NRG3: variants seen among roughly 807,000 people sequenced by gnomAD.
The protein encoded by NRG3 is pro-neuregulin-3, membrane-bound isoform.
In NRG3, 31 loss-of-function variants were observed where a neutral mutation model predicts 66.9. That is an observed-to-expected ratio of 0.46 (90% CI 0.35 to 0.63). The LOEUF is 0.63. Among genes scored for constraint, NRG3 ranks in the 20% least tolerant of loss-of-function variants. The pLI, the probability that NRG3 is intolerant of heterozygous loss-of-function variation, is 0.00. For synonymous variants in NRG3, 393 were observed against 359.4 expected, an observed-to-expected ratio of 1.09 and a Z score of -1.06; for missense variants, 910 against 878.9, an observed-to-expected ratio of 1.04 and a Z score of -0.45.
intron 5 of NRG3, 80 bp from the exon 6 acceptor site, chr10:82,958,869 A>G: frequency 7.1e-7 from 1 of 1,408,434 alleles, no homozygotes. Context: ...AAATATAGAC[A>G]CTGGGAATGA....
intron 4 of NRG3, among the ~76,000 whole-genome samples, chr10:82,927,032 C>T (rs1278266249): frequency 6.6e-6 from 1 of 152,192 alleles, no homozygotes; most frequent in Non-Finnish European, 1.5e-5. Context: ...ACCATCACTA[C>T]TTGAGCAGAG....
chr10:82,113,915 A>G (rs558810663), intron 1 of NRG3, among the ~76,000 whole-genome samples: 1 of 152,302 alleles, frequency 6.6e-6, no homozygotes, highest in South Asian at 2.1e-4. Context: ...AAATATTTGT[A>G]ACAATCACTT....
chr10:82,090,699 G>A (rs777232662), intron 1 of NRG3, among the ~76,000 whole-genome samples: 3 of 152,096 alleles, frequency 2.0e-5, no homozygotes, highest in Non-Finnish European at 4.4e-5. Flanking sequence ...CCAGAACTCA[G>A]CTGAGTATCC....
At chr10:82,536,371 C>T (rs781279316) in intron 2 of NRG3, among the ~76,000 whole-genome samples, 5 of 152,138 alleles carry the variant, frequency 3.3e-5, no homozygotes, top group Admixed American at 1.3e-4. Flanking sequence ...CAAACTAGTG[C>T]TCTCTCCCTT....
intron 2 of NRG3, among the ~76,000 whole-genome samples, chr10:82,367,108 T>C (rs914971423): frequency 3.3e-5 from 5 of 152,176 alleles, no homozygotes; most frequent in African/African-American, 1.2e-4. Context: ...CCAGGCTTGT[T>C]TATGTATAAC....
At chr10:82,322,502 G>A (rs2081628544) in intron 1 of NRG3, among the ~76,000 whole-genome samples, 1 of 151,750 alleles carries the variant, frequency 6.6e-6, no homozygotes, top group Non-Finnish European at 1.5e-5. Flanking sequence ...AAGATTTTCA[G>A]TAGATTTTAT....
intron 3 of NRG3, among the ~76,000 whole-genome samples, chr10:82,811,598 G>C (rs570513176): frequency 2.6e-5 from 4 of 152,276 alleles, no homozygotes; most frequent in African/African-American, 9.6e-5. Context: ...ACCAATTTGG[G>C]CTGCACATGC....
chr10:82,646,011 A>C (rs1419718721), intron 2 of NRG3, among the ~76,000 whole-genome samples: 1 of 152,170 alleles, frequency 6.6e-6, no homozygotes, highest in Non-Finnish European at 1.5e-5. Flanking sequence ...TGGTTGGAAA[A>C]AGGCAGGGAG....
At chr10:81,996,832 C>G (rs1302344595) in intron 1 of NRG3, among the ~76,000 whole-genome samples, 1 of 152,070 alleles carries the variant, frequency 6.6e-6, no homozygotes, top group Non-Finnish European at 1.5e-5. Flanking sequence ...TCTATATCAT[C>G]ATTTTGGAAC....
At chr10:82,264,706 A>C (rs896988074) in intron 1 of NRG3, among the ~76,000 whole-genome samples, 4 of 152,158 alleles carry the variant, frequency 2.6e-5, no homozygotes, top group African/African-American at 7.2e-5. Context: ...CAGGGAGAGA[A>C]ATCAGAAAAT....
intron 3 of NRG3, among the ~76,000 whole-genome samples, chr10:82,773,197 C>T (rs1203231915): frequency 6.6e-6 from 1 of 152,122 alleles, no homozygotes; most frequent in Non-Finnish European, 1.5e-5. Flanking sequence ...AATCTACATT[C>T]CCGCCAACTG....
intron 1 of NRG3, among the ~76,000 whole-genome samples, chr10:81,943,767 A>G (rs925240729): frequency 6.6e-6 from 1 of 152,218 alleles, no homozygotes; most frequent in African/African-American, 2.4e-5. Context: ...AAAACAATGT[A>G]TCTCTTACCA....
chr10:82,888,515 C>G (rs1842899184), intron 4 of NRG3, among the ~76,000 whole-genome samples: 1 of 152,108 alleles, frequency 6.6e-6, no homozygotes, highest in Non-Finnish European at 1.5e-5. Flanking sequence ...ATTGTTAAAT[C>G]TTGGAGTGTA....
chr10:82,411,218 C>A (rs544925245), intron 2 of NRG3, among the ~76,000 whole-genome samples: 35 of 152,046 alleles, frequency 2.3e-4, no homozygotes, highest in African/African-American at 8.4e-4. Context: ...CTGGGCCGCT[C>A]CTGGCCCAGT....
In NRG3 at chr10:82,676,714, C is replaced by T. The variant is rs555241993; in HGVS notation, c.954-61863C>T. Among the ~76,000 whole-genome samples the T allele has an allele frequency of 4.6e-5, 7 of 152,218 alleles. No individual in the cohort carries two copies. In the South Asian group the frequency reaches 1.5e-3, roughly 32 times the overall value. On this transcript the variant is annotated intron_variant, in intron 2 of 8. Transcript: ENST00000372141. ...ACTAGGCTGGTCTTGAATTCCTGAC[C>T]TCAAATTATCTGCCCCCCTCGGCCT...
chr10:82,681,489 A>G (rs1247655726), intron 2 of NRG3, among the ~76,000 whole-genome samples: 4 of 152,246 alleles, frequency 2.6e-5, no homozygotes, highest in African/African-American at 9.6e-5. Context: ...TATTATGCCA[A>G]TATTTTTGCT....
chr10:82,280,761 A>G (rs2079081734), intron 1 of NRG3, among the ~76,000 whole-genome samples: 1 of 152,152 alleles, frequency 6.6e-6, no homozygotes, highest in Non-Finnish European at 1.5e-5. Context: ...TCAATAAGGC[A>G]ATTACTTATC....
At chr10:82,059,663 G>A (rs757180150) in intron 1 of NRG3, among the ~76,000 whole-genome samples, 1 of 151,860 alleles carries the variant, frequency 6.6e-6, no homozygotes, top group Admixed American at 6.6e-5. Flanking sequence ...ACTTATGATC[G>A]GCGCTATGTC....
chr10:82,231,714 G>A (rs1589405759), intron 1 of NRG3, among the ~76,000 whole-genome samples: 2 of 152,116 alleles, frequency 1.3e-5, no homozygotes, highest in South Asian at 4.1e-4. Flanking sequence ...AGTTGCAGGA[G>A]ACATAATTCA....
Sources: gnomAD v4.1 joint callset for allele counts (sites outside exome capture counted in the v4.1 genomes callset) on GRCh38, gnomAD v4.1.1 for gene constraint, MANE v1.5 for transcripts, NCBI Gene and HGNC (gene_info 2026-07-23, HGNC 2026-07-21) for gene names.